SLC23A2: variants seen among roughly 807,000 people sequenced by gnomAD.
SLC23A2 encodes the protein Na(+)/L-ascorbic acid transporter 2.
Under a neutral mutation model 73.3 loss-of-function variants are expected in SLC23A2, and 36 were observed. The ratio of observed to expected loss-of-function variants is 0.49; its 90% CI spans 0.38 to 0.65. The LOEUF (loss-of-function observed/expected upper bound fraction) is 0.65, where lower values mean the gene tolerates loss of function less well. Ranked by LOEUF, SLC23A2 falls within the 30% of genes least tolerant of loss-of-function variation. The pLI, the probability that SLC23A2 is intolerant of heterozygous loss-of-function variation, is 0.00. For synonymous variants in SLC23A2, 343 were observed against 327.3 expected, an observed-to-expected ratio of 1.05 and a Z score of -0.52; for missense variants, 507 against 841.6, an observed-to-expected ratio of 0.60 and a Z score of 4.92.
At chr20:4,930,936 C>G (rs1026133187) in intron 3 of SLC23A2, among the ~76,000 whole-genome samples, 1 of 150,796 alleles carries the variant, frequency 6.6e-6, no homozygotes, top group Non-Finnish European at 1.5e-5. Flanking sequence ...TATGATTGTA[C>G]GACTGCCCTC....
At chr20:4,966,153 G>C (rs1443768273) in intron 2 of SLC23A2, among the ~76,000 whole-genome samples, 1 of 152,086 alleles carries the variant, frequency 6.6e-6, no homozygotes, top group Non-Finnish European at 1.5e-5. Flanking sequence ...CTGGGGTAGG[G>C]GGCAGCAGGG....
intron 2 of SLC23A2, among the ~76,000 whole-genome samples, chr20:4,951,023 GC>G (rs780525782): frequency 1.3e-5 from 2 of 152,088 alleles, no homozygotes; most frequent in Non-Finnish European, 2.9e-5. Flanking sequence ...CACCACAAGC[GC>G]CCAGAACACA....
At chr20:4,904,283 G>A (rs1474259551) in intron 4 of SLC23A2, among the ~76,000 whole-genome samples, 1 of 152,210 alleles carries the variant, frequency 6.6e-6, no homozygotes, top group Non-Finnish European at 1.5e-5. Context: ...AGGCTTGGAT[G>A]AGCTTCCCTG....
At position 4,862,649 on chromosome 20, in the gene SLC23A2, G is replaced by A. The variant is rs1930015501; in HGVS notation, c.1486+129C>T. 1.3e-6 allele frequency: 1 copy of A among 794,860 alleles called. No individual in the cohort carries two copies. The highest frequency in any genetic ancestry group is 2.5e-5 in the East Asian group (1 of 39,706). 49.2% of individuals were successfully genotyped at this position (794,860 alleles called of 1,614,324 possible). ...GTGATAAAAGTTTTCATTTTTTGAA[G>A]GCATATCCTTTGTATTTTAAAATAG... On this transcript the variant is annotated intron_variant, in intron 14 of 16. Transcript: ENST00000338244. The surrounding 1 kb of genome is among the most constrained non-coding windows in gnomAD (Gnocchi z 5.1).
At chr20:4,887,032 C>T (rs1931129848) in intron 6 of SLC23A2, among the ~76,000 whole-genome samples, 1 of 152,216 alleles carries the variant, frequency 6.6e-6, no homozygotes, top group Non-Finnish European at 1.5e-5. Context: ...GTCAAGACTT[C>T]CTTGTTACAG....
At chr20:4,980,425 A>G (rs2087707509) in intron 1 of SLC23A2, among the ~76,000 whole-genome samples, 1 of 152,176 alleles carries the variant, frequency 6.6e-6, no homozygotes, top group Non-Finnish European at 1.5e-5. Flanking sequence ...TCACATATCT[A>G]AGATACATTG....
intron 2 of SLC23A2, among the ~76,000 whole-genome samples, chr20:4,953,432 CAGAA>C: frequency 6.6e-6 from 1 of 152,082 alleles, no homozygotes; most frequent in East Asian, 1.9e-4. Context: ...TTCTCCCAAA[CAGAA>C]AGAATCATAG....
intron 6 of SLC23A2, among the ~76,000 whole-genome samples, chr20:4,888,071 A>G (rs181326822): frequency 1.1e-3 from 173 of 152,320 alleles, no homozygotes; most frequent in African/African-American, 4.0e-3. Context: ...GGTAAACCTC[A>G]GGCACCCAGG....
intron 13 of SLC23A2, among the ~76,000 whole-genome samples, chr20:4,866,715 T>G (rs1424741544): frequency 7.2e-5 from 11 of 152,208 alleles, no homozygotes. Context: ...CAATCAAGGT[T>G]AATCAAACTT....
At chr20:4,888,032 G>A (rs972381879) in intron 6 of SLC23A2, among the ~76,000 whole-genome samples, 11 of 152,170 alleles carry the variant, frequency 7.2e-5, no homozygotes, top group Non-Finnish European at 1.2e-4. Flanking sequence ...TGCACCCAAG[G>A]CACGGCCCCT....
intron 2 of SLC23A2, among the ~76,000 whole-genome samples, chr20:4,966,457 C>T (rs760113786): frequency 2.0e-5 from 3 of 152,120 alleles, no homozygotes; most frequent in Non-Finnish European, 4.4e-5. Flanking sequence ...GCATCTTAAA[C>T]GTGTTGGTCC....
rs1214601198 is a variant in SLC23A2, at chr20:4,863,273, C to T, written c.1357-366G>A. ...AGTGCTTCAGCCTCAATGCCAACTTCCCCACACCGGAAATCAGACCAAACC... is the reference window on the plus strand; with the variant it reads ...AGTGCTTCAGCCTCAATGCCAACTTTCCCACACCGGAAATCAGACCAAACC... On this transcript the variant is annotated intron_variant, in intron 13 of 16. Transcript: ENST00000338244. This position sits in a 1 kb window ranked among gnomAD's most constrained non-coding sequence, Gnocchi z 4.8. 6.6e-6 allele frequency among the ~76,000 whole-genome samples: 1 copy of T among 152,202 alleles called. No homozygotes were observed. Among genetic ancestry groups the T allele is most frequent in the African/African-American group, 2.4e-5 (1 of 41,448 alleles).
At chr20:4,898,784 G>A (rs1307441822) in intron 6 of SLC23A2, among the ~76,000 whole-genome samples, 1 of 152,346 alleles carries the variant, frequency 6.6e-6, no homozygotes, top group African/African-American at 2.4e-5. Context: ...CAAGGAGGAA[G>A]CACCGTGGGA....
rs542638549 is a variant in SLC23A2 at position 4,936,150 on chromosome 20, G to A, written c.-154-3434C>T. Among the ~76,000 whole-genome samples the A allele has an allele frequency of 1.7e-3, 260 of 152,278 alleles. 1 individual carries two copies. Among genetic ancestry groups the A allele is most frequent in the Non-Finnish European group, 2.5e-3 (173 of 68,024 alleles). On this transcript the variant is annotated intron_variant, in intron 2 of 16. Coordinates refer to ENST00000338244, the MANE Select transcript of SLC23A2 (RefSeq NM_005116.6). ...CAAATCCATCAGCCTTCTACATTGT[G>A]AGTTAGCCACTGCCACCCATCATCT...
chr20:4,906,567 C>G (rs1931963247), intron 4 of SLC23A2, among the ~76,000 whole-genome samples: 1 of 152,138 alleles, frequency 6.6e-6, no homozygotes, highest in East Asian at 1.9e-4. Context: ...CTGCAGTGAG[C>G]CAAGATCGTG....
chr20:4,862,767 G>T lies in SLC23A2; in HGVS notation c.1486+11C>A. On this transcript the variant is annotated intron_variant, in intron 14 of 16. Transcript: ENST00000338244. The surrounding 1 kb of genome is among the most constrained non-coding windows in gnomAD (Gnocchi z 5.1). ...AAAAGTAAAGGAAAAAGCCAGAGAG[G>T]GGAGTCTTACCAAAGAGCGTGCAGA... 6.2e-7 allele frequency: 1 copy of T among 1,605,384 alleles called. No individual in the cohort carries two copies. The highest frequency in any genetic ancestry group is 8.5e-7 in the Non-Finnish European group (1 of 1,173,330).
chr20:4,876,912 G>A (rs191539530), intron 9 of SLC23A2, among the ~76,000 whole-genome samples: 55 of 152,076 alleles, frequency 3.6e-4, no homozygotes, highest in East Asian at 2.3e-3. Context: ...CATGCTTTAC[G>A]CAGCTTCCTG....
chr20:4,883,035 T>C lies in SLC23A2; in HGVS notation c.824+607A>G, dbSNP rs1416842572. On this transcript the variant is annotated intron_variant, in intron 9 of 16. Transcript: ENST00000338244. This position sits in a 1 kb window ranked among gnomAD's most constrained non-coding sequence, Gnocchi z 4.5. ...ATTATCAAACTCCCCTGTGACTTCATTAACACAAAATGTTAACTTTACTTA... is the reference window on the plus strand; with the variant it reads ...ATTATCAAACTCCCCTGTGACTTCACTAACACAAAATGTTAACTTTACTTA... 6.6e-6 allele frequency among the ~76,000 whole-genome samples: 1 copy of C among 151,918 alleles called. No homozygotes were observed. Among genetic ancestry groups the C allele is most frequent in the Non-Finnish European group, 1.5e-5 (1 of 68,036 alleles).
At chr20:4,918,159 A>ATT (rs1218972276) in intron 3 of SLC23A2, among the ~76,000 whole-genome samples, 1 of 152,208 alleles carries the variant, frequency 6.6e-6, no homozygotes, top group South Asian at 2.1e-4. Flanking sequence ...TAAACTTAAT[A>ATT]AAGTCTGGTT....
Sources: allele counts gnomAD v4.1 joint callset (sites outside exome capture counted in the v4.1 genomes callset), GRCh38; gene constraint gnomAD v4.1.1; non-coding constraint Gnocchi (gnomAD v3.1); transcripts MANE v1.5; gene names NCBI Gene and HGNC (gene_info 2026-07-23, HGNC 2026-07-21).